Variants in CHRNA7 observed in about 807,000 individuals in gnomAD.
CHRNA7 encodes the protein cholinergic receptor nicotinic alpha 7 subunit, also known as neuronal acetylcholine receptor subunit alpha-7.
In CHRNA7, 17 loss-of-function variants were observed where a neutral mutation model predicts 48.0. The ratio of observed to expected loss-of-function variants is 0.35; its 90% CI spans 0.24 to 0.53. The LOEUF (loss-of-function observed/expected upper bound fraction) is 0.53. Ranked by LOEUF, CHRNA7 falls within the 20% of genes least tolerant of loss-of-function variation. The pLI is 0.92. For missense variants in CHRNA7, 155 were observed against 577.7 expected (o/e 0.27, Z 7.50); for synonymous variants, 75 against 242.3 (o/e 0.31, Z 6.41).
At chr15:32,088,209 G>T (rs1172950739) in intron 2 of CHRNA7, among the ~76,000 whole-genome samples, 2 of 152,096 alleles carry the variant, frequency 1.3e-5, no homozygotes, top group Admixed American at 6.6e-5. Flanking sequence ...TTTCGGCCTG[G>T]CTTCTTTCAC....
At chr15:32,090,431 G>C (rs953092461) in intron 2 of CHRNA7, among the ~76,000 whole-genome samples, 26 of 152,266 alleles carry the variant, frequency 1.7e-4, no homozygotes, top group African/African-American at 5.8e-4. Context: ...CTGTCTGGGG[G>C]CTTCTCACTC....
At chr15:32,072,744 C>T (rs961269275) in intron 2 of CHRNA7, among the ~76,000 whole-genome samples, 11 of 152,228 alleles carry the variant, frequency 7.2e-5, no homozygotes, top group Admixed American at 6.5e-4. Context: ...GCTTGAGCCA[C>T]TGCTTCAGAG....
At chr15:32,045,819 TC>T (rs1377126420) in intron 2 of CHRNA7, among the ~76,000 whole-genome samples, 2 of 68,892 alleles carry the variant, frequency 2.9e-5, no homozygotes, top group South Asian at 6.8e-4. Context: ...CCCTCCCCCC[TC>T]CCCCCACCCC....
intron 2 of CHRNA7, among the ~76,000 whole-genome samples, chr15:32,035,790 T>A (rs1207737895): frequency 6.6e-6 from 1 of 152,218 alleles, no homozygotes; most frequent in East Asian, 1.9e-4. Flanking sequence ...AAAAAATCTT[T>A]ACTTTTTTGA....
chr15:32,086,929 T>C (rs2050307207), intron 2 of CHRNA7, among the ~76,000 whole-genome samples: 1 of 152,202 alleles, frequency 6.6e-6, no homozygotes, highest in Non-Finnish European at 1.5e-5. Flanking sequence ...TCAAATGGCT[T>C]AAAATGGTAT....
intron 2 of CHRNA7, among the ~76,000 whole-genome samples, chr15:32,094,640 T>C (rs2050436135): frequency 6.7e-6 from 1 of 149,746 alleles, no homozygotes; most frequent in African/African-American, 2.5e-5. Flanking sequence ...TTTTGCTATA[T>C]TTTAGGCACT....
chr15:32,053,916 G>A (rs141205184), intron 2 of CHRNA7, among the ~76,000 whole-genome samples: 15 of 152,320 alleles, frequency 9.8e-5, no homozygotes, highest in African/African-American at 3.6e-4. Context: ...CGAGGAGTAG[G>A]AAATTGCAGT....
chr15:32,121,840 C>G (rs2050975899), intron 4 of CHRNA7, among the ~76,000 whole-genome samples: 2 of 152,058 alleles, frequency 1.3e-5, no homozygotes, highest in Admixed American at 1.3e-4. Context: ...CTAAATGTGG[C>G]AGGATCCTCA....
At chr15:32,081,764 A>G (rs966397931) in intron 2 of CHRNA7, among the ~76,000 whole-genome samples, 3 of 152,136 alleles carry the variant, frequency 2.0e-5, no homozygotes, top group African/African-American at 7.2e-5. Context: ...ATACTCAACA[A>G]GAGAAAAAAA....
At chr15:32,119,275 G>A (rs1595468799) in intron 4 of CHRNA7, among the ~76,000 whole-genome samples, 1 of 152,334 alleles carries the variant, frequency 6.6e-6, no homozygotes, top group East Asian at 1.9e-4. Context: ...CTTTTAGGAT[G>A]CTCTGCAGAA....
intron 4 of CHRNA7, among the ~76,000 whole-genome samples, chr15:32,153,225 C>G (rs1595508844): frequency 6.6e-6 from 1 of 151,832 alleles, no homozygotes; most frequent in East Asian, 1.9e-4. Flanking sequence ...TCGAGACCAT[C>G]CCGGCTAACA....
At chr15:32,057,314 T>G (rs1263439422) in intron 2 of CHRNA7, among the ~76,000 whole-genome samples, 1 of 152,248 alleles carries the variant, frequency 6.6e-6, no homozygotes, top group Non-Finnish European at 1.5e-5. Context: ...ATGAAGGTTG[T>G]TGGCTAATGA....
At position 32,139,438 on chromosome 15, in the gene CHRNA7, A is replaced by G. The variant is rs539320926; in HGVS notation, c.351-14469A>G. Reference sequence around the variant, plus strand: ...TGCTTCGTTTTGTAGGAAACTGCCAAACTGCCTTCCAAAGTGACTGCACCA... The same window carrying G: ...TGCTTCGTTTTGTAGGAAACTGCCAGACTGCCTTCCAAAGTGACTGCACCA... On this transcript the variant is annotated intron_variant, in intron 4 of 9. Coordinates refer to ENST00000306901, the MANE Select transcript of CHRNA7 (RefSeq NM_000746.6). Among the ~76,000 whole-genome samples the G allele has an allele frequency of 5.3e-5, 8 of 152,340 alleles. No homozygotes were observed. The South Asian group carries it at 1.7e-3, about 32-fold the overall frequency.
chr15:32,109,845 G>A (rs10438342), intron 3 of CHRNA7, among the ~76,000 whole-genome samples: 48,178 of 152,054 alleles, frequency 0.32, 7,870 homozygotes, highest in Middle Eastern at 0.45. Context: ...GGATGAGCCC[G>A]TGGTTTACGC....
At chr15:32,072,946 G>A (rs1426931544) in intron 2 of CHRNA7, among the ~76,000 whole-genome samples, 1 of 152,214 alleles carries the variant, frequency 6.6e-6, no homozygotes, top group Non-Finnish European at 1.5e-5. Flanking sequence ...AGTGCTGAGG[G>A]GAAAGATGGG....
rs773111356 is a variant in CHRNA7 at position 32,101,054 on chromosome 15, T to C, written c.196-249T>C. The C allele has an allele frequency of 3.4e-4, 143 of 417,134 alleles. 1 individual carries two copies. The highest frequency in any genetic ancestry group is 1.7e-4 in the Non-Finnish European group (42 of 240,796). The allele number at this position is 417,134 out of a possible 1,614,324, so 25.8% of individuals were successfully genotyped here. A position where few individuals can be genotyped will look rare whatever the true frequency, so the allele number is the denominator to read the frequency against. On this transcript the variant is annotated intron_variant, in intron 2 of 9. Transcript: ENST00000306901. ...ATTTCTGGATGGTAAGGTTGCAGAG[T>C]TTTAATTTTCTTCTTTATACTTTTC... is the stretch of plus-strand genomic sequence containing the variant.
intron 2 of CHRNA7, among the ~76,000 whole-genome samples, chr15:32,037,449 C>T (rs919932412): frequency 1.1e-4 from 16 of 152,106 alleles, no homozygotes; most frequent in African/African-American, 3.6e-4. Context: ...ATTGCTTTAT[C>T]GATACCCACA....
intron 4 of CHRNA7, among the ~76,000 whole-genome samples, chr15:32,146,698 A>G (rs1173065398): frequency 6.6e-6 from 1 of 152,260 alleles, no homozygotes; most frequent in Non-Finnish European, 1.5e-5. Flanking sequence ...GTTGAGTTGT[A>G]TCACGTTTAT....
chr15:32,085,553 A>T (rs1369466580), intron 2 of CHRNA7, among the ~76,000 whole-genome samples: 1 of 152,256 alleles, frequency 6.6e-6, no homozygotes, highest in African/African-American at 2.4e-5. Context: ...TTAGAGGATT[A>T]ACAGTGGAAT....
Sources: gnomAD v4.1 joint callset for allele counts (sites outside exome capture counted in the v4.1 genomes callset) on GRCh38, gnomAD v4.1.1 for gene constraint, MANE v1.5 for transcripts, NCBI Gene and HGNC (gene_info 2026-07-23, HGNC 2026-07-21) for gene names.